FAM193A: variants seen among roughly 807,000 people sequenced by gnomAD.
The protein encoded by FAM193A is protein FAM193A.
A neutral mutation model predicts 126.5 loss-of-function variants in FAM193A; 22 were observed. That is an observed-to-expected ratio of 0.17 (90% CI 0.12 to 0.25). FAM193A has a LOEUF of 0.25. Among genes scored for constraint, FAM193A ranks in the 10% least tolerant of loss-of-function variants. The pLI is 1.00. For missense variants in FAM193A, 1,675 were observed against 1,672.8 expected (o/e 1.00, Z -0.02); for synonymous variants, 761 against 646.8 (o/e 1.18, Z -2.68).
intron 18 of FAM193A, among the ~76,000 whole-genome samples, chr4:2,697,955 C>T (rs16843228): frequency 0.011 from 1,710 of 152,320 alleles, 36 homozygotes; most frequent in African/African-American, 0.038. Flanking sequence ...CAGGCTCTTG[C>T]CCTCTGACCT....
intron 15 of FAM193A, 98 bp from the exon 16 acceptor site, chr4:2,693,488 G>A: frequency 8.7e-7 from 1 of 1,147,788 alleles, no homozygotes; most frequent in Non-Finnish European, 1.3e-6. Context: ...GCAAGGTGAA[G>A]GATGAATGGG....
chr4:2,699,711 C>T lies in FAM193A; in HGVS notation c.3539C>T (p.Ala1180Val). 6.2e-7 allele frequency: 1 copy of T among 1,612,404 alleles called. No homozygotes were observed. The highest frequency in any genetic ancestry group is 1.1e-5 in the South Asian group (1 of 90,836). ...LEEKARLEAE[A>V]RAREHLHLQE... ...GAGAAAGCTCGCCTAGAAGCAGAGG[C>T]CAGGGCCCGGGAGCACCTGCACCTC... is the stretch of plus-strand genomic sequence containing the variant. Residue 1180 changes from alanine (A) to valine (V), a missense_variant, in exon 19 of 21, where the codon GCC becomes GTC. Physicochemically the swap from Ala to Val is moderately conservative, Grantham distance 64 (BLOSUM62 0). This residue lies in a region of FAM193A where 415 missense variants were observed against 396.7 expected (regional missense o/e 1.05). Coordinates refer to ENST00000637812, the MANE Select transcript of FAM193A (RefSeq NM_001366318.2).
intron 2 of FAM193A, chr4:2,608,027 C>T (rs1741646542): frequency 1.9e-6 from 3 of 1,605,698 alleles, no homozygotes; most frequent in African/African-American, 1.3e-5. Context: ...GCACCACGCA[C>T]TTCACGTCCG....
chr4:2,589,831 GTA>G (rs1472623157), intron 1 of FAM193A, among the ~76,000 whole-genome samples: 2 of 152,138 alleles, frequency 1.3e-5, no homozygotes, highest in African/African-American at 4.8e-5. Context: ...TTGAGTGCAG[GTA>G]GCTAATAAAA....
At chr4:2,710,177 C>CTTTTTTTTTTT (rs1300302935) in intron 19 of FAM193A, among the ~76,000 whole-genome samples, 1 of 73,854 alleles carries the variant, frequency 1.4e-5, no homozygotes, top group Non-Finnish European at 2.5e-5. Flanking sequence ...TTTTTTTTTT[C>CTTTTTTTTTTT]TTTTTTTTTT....
At chr4:2,600,273 G>A (rs1388995568) in intron 2 of FAM193A, among the ~76,000 whole-genome samples, 1 of 152,070 alleles carries the variant, frequency 6.6e-6, no homozygotes, top group East Asian at 1.9e-4. Context: ...ACGTCTCCCC[G>A]ACCTCACTCC....
chr4:2,565,733 T>C (rs539750084), intron 1 of FAM193A, among the ~76,000 whole-genome samples: 1 of 152,352 alleles, frequency 6.6e-6, no homozygotes, highest in South Asian at 2.1e-4. Flanking sequence ...GAAGCACTAA[T>C]GGGTCAGCCT....
intron 1 of FAM193A, among the ~76,000 whole-genome samples, chr4:2,541,394 A>G (rs112562455): frequency 1.2e-4 from 18 of 152,180 alleles, no homozygotes; most frequent in African/African-American, 4.1e-4. Flanking sequence ...TGTTCCATGT[A>G]ATCTCATTAA....
At chr4:2,607,951 CT>C (rs1560477827) in intron 2 of FAM193A, 2 of 1,465,304 alleles carry the variant, frequency 1.4e-6, no homozygotes, top group African/African-American at 1.5e-5. Flanking sequence ...AGATTCTTTT[CT>C]TTTTTTAACC....
At chr4:2,624,208 G>T (rs369698045) in intron 2 of FAM193A, among the ~76,000 whole-genome samples, 3 of 151,946 alleles carry the variant, frequency 2.0e-5, no homozygotes, top group South Asian at 2.1e-4. Flanking sequence ...ACAAAGTCTC[G>T]GTCTGTTTCT....
chr4:2,731,290 C>T (rs1721361658), intron 20 of FAM193A, among the ~76,000 whole-genome samples: 1 of 149,714 alleles, frequency 6.7e-6, no homozygotes, highest in Non-Finnish European at 1.5e-5. Context: ...ATTGCTTGAA[C>T]CTTGGAGGTG....
At chr4:2,543,272 A>G (rs1737344291) in intron 1 of FAM193A, among the ~76,000 whole-genome samples, 1 of 151,780 alleles carries the variant, frequency 6.6e-6, no homozygotes, top group South Asian at 2.1e-4. Flanking sequence ...TATTTTTAGT[A>G]GAGACAGGGT....
At chr4:2,684,456 CAT>C (rs748074938) in intron 13 of FAM193A, among the ~76,000 whole-genome samples, 2 of 151,694 alleles carry the variant, frequency 1.3e-5, no homozygotes, top group Non-Finnish European at 2.9e-5. Flanking sequence ...GCATTTCACA[CAT>C]AGTTACTCTG....
chr4:2,546,007 G>A (rs964756945), intron 1 of FAM193A, among the ~76,000 whole-genome samples: 3 of 152,092 alleles, frequency 2.0e-5, no homozygotes, highest in African/African-American at 7.2e-5. Flanking sequence ...AATTAGCGGG[G>A]TGTGGTAGCA....
intron 2 of FAM193A, among the ~76,000 whole-genome samples, chr4:2,622,835 C>T (rs1445671628): frequency 1.3e-5 from 2 of 152,114 alleles, no homozygotes; most frequent in Non-Finnish European, 2.9e-5. Context: ...CACCTAAAGG[C>T]CCTACTTCCT....
At position 2,704,742 on chromosome 4, in the gene FAM193A, G is replaced by A. The variant is rs559431188; in HGVS notation, c.4372+4198G>A. 1.7e-3 allele frequency among the ~76,000 whole-genome samples: 259 copies of A among 152,138 alleles called. 1 individual carries two copies. Among genetic ancestry groups the A allele is most frequent in the African/African-American group, 5.4e-3 (226 of 41,498 alleles). Reference sequence around the variant, plus strand: ...CAGGCTTTTTAACTGTTGCCAATCCGTTAGCTACAGTAAGCCCTCAGTGTA... The same window carrying A: ...CAGGCTTTTTAACTGTTGCCAATCCATTAGCTACAGTAAGCCCTCAGTGTA... On this transcript the variant is annotated intron_variant, in intron 19 of 20. Transcript: ENST00000637812.
At chr4:2,591,168 G>T (rs1353990227) in intron 1 of FAM193A, among the ~76,000 whole-genome samples, 1 of 152,132 alleles carries the variant, frequency 6.6e-6, no homozygotes, top group Non-Finnish European at 1.5e-5. Context: ...CCTCGCAGTT[G>T]TCTTGTAAAG....
chr4:2,682,019 C>T (rs1363941556), intron 13 of FAM193A, among the ~76,000 whole-genome samples: 1 of 131,696 alleles, frequency 7.6e-6, no homozygotes, highest in African/African-American at 2.9e-5. Flanking sequence ...GAGTCTTCCT[C>T]GGTCGCCCAG....
intron 2 of FAM193A, among the ~76,000 whole-genome samples, chr4:2,620,104 A>G (rs1285851084): frequency 6.6e-6 from 1 of 152,002 alleles, no homozygotes; most frequent in Non-Finnish European, 1.5e-5. Flanking sequence ...TAATTGCTGG[A>G]TTTTGTTATT....
Sources: gnomAD v4.1 joint callset for allele counts (sites outside exome capture counted in the v4.1 genomes callset) on GRCh38, gnomAD v4.1.1 for gene constraint, gnomAD v4.1.1 regional missense constraint, MANE v1.5 for transcripts, NCBI Gene and HGNC (gene_info 2026-07-23, HGNC 2026-07-21) for gene names.